The following NFIB variants were observed in gnomAD, a reference collection of about 807,000 sequenced individuals.
The protein encoded by NFIB is nuclear factor 1 B-type.
In NFIB, 11 loss-of-function variants were observed where a neutral mutation model predicts 61.5. The ratio of observed to expected loss-of-function variants is 0.18; its 90% CI spans 0.11 to 0.30. The LOEUF is 0.30. Among genes scored for constraint, NFIB ranks in the 10% least tolerant of loss-of-function variants. The pLI is 1.00. For synonymous variants in NFIB, 260 were observed against 216.5 expected (o/e 1.20, Z -1.76); for missense variants, 471 against 608.9 (o/e 0.77, Z 2.38).
the NFIB span, among the ~76,000 whole-genome samples, chr9:14,490,367 A>G: frequency 6.6e-6 from 1 of 152,224 alleles, no homozygotes; most frequent in Non-Finnish European, 1.5e-5. Flanking sequence ...AAATTCTAGA[A>G]GAAAATATGG....
the NFIB span, among the ~76,000 whole-genome samples, chr9:14,459,430 G>A: frequency 6.6e-6 from 1 of 152,102 alleles, no homozygotes; most frequent in African/African-American, 2.4e-5. Context: ...GAAAACCTAG[G>A]CAATACCATT....
intron 2 of NFIB, among the ~76,000 whole-genome samples, chr9:14,194,239 C>G (rs1041574956): frequency 1.3e-5 from 2 of 152,140 alleles, no homozygotes; most frequent in Non-Finnish European, 2.9e-5. Context: ...TGAAGTAAGT[C>G]TAGCAATAAC....
At position 14,084,167 on chromosome 9, in the gene NFIB, G is replaced by C. The variant is rs2032470226; in HGVS notation, c.*4142C>G. On this transcript the variant is annotated 3_prime_UTR_variant, in exon 11 of 11. Coordinates refer to ENST00000380953, the MANE Select transcript of NFIB (RefSeq NM_001190737.2). ...TTTCTTTTTAATACATAACTTAAGA[G>C]ACTGGAGAGTTTTAACTCAAGTCCA... is the stretch of plus-strand genomic sequence containing the variant. 1 of 201,630 alleles carries C rather than the reference G, an allele frequency of 5.0e-6. No individual in the cohort carries two copies. Among genetic ancestry groups the C allele is most frequent in the African/African-American group, 2.3e-5 (1 of 43,460 alleles). 12.5% of individuals were successfully genotyped at this position (201,630 alleles called of 1,614,324 possible).
At chr9:14,507,376 C>A in the NFIB span, among the ~76,000 whole-genome samples, 1 of 152,196 alleles carries the variant, frequency 6.6e-6, no homozygotes, top group East Asian at 1.9e-4. Flanking sequence ...ACAGTCAACA[C>A]GACAGTTGAT....
At chr9:14,528,292 T>A in the NFIB span, among the ~76,000 whole-genome samples, 1 of 152,192 alleles carries the variant, frequency 6.6e-6, no homozygotes, top group Admixed American at 6.5e-5. Context: ...TTTATTAACA[T>A]TGTCTTAAAC....
At chr9:14,274,012 A>G (rs1300145633) in intron 2 of NFIB, among the ~76,000 whole-genome samples, 2 of 152,178 alleles carry the variant, frequency 1.3e-5, no homozygotes, top group South Asian at 2.1e-4. Context: ...AATGTTATCT[A>G]CAAGTATTTT....
At chr9:14,401,194 G>A (rs1367637614), upstream of NFIB, among the ~76,000 whole-genome samples, 4 of 152,196 alleles carry the variant, frequency 2.6e-5, no homozygotes, top group African/African-American at 9.7e-5. Flanking sequence ...TCTACCCATT[G>A]ACAACCTCAA....
intron 6 of NFIB, among the ~76,000 whole-genome samples, chr9:14,138,793 C>G (rs553296729): frequency 6.6e-6 from 1 of 152,216 alleles, no homozygotes; most frequent in African/African-American, 2.4e-5. Flanking sequence ...TCATTTCAAA[C>G]AAACTCTTCC....
intron 10 of NFIB, among the ~76,000 whole-genome samples, chr9:14,105,054 T>C (rs796256467): frequency 7.2e-5 from 11 of 152,280 alleles, no homozygotes; most frequent in African/African-American, 2.2e-4. Context: ...GTAAATGAGT[T>C]AGTTTTTTTG....
intron 2 of NFIB, among the ~76,000 whole-genome samples, chr9:14,296,773 A>G (rs1343539679): frequency 1.3e-5 from 2 of 152,242 alleles, no homozygotes; most frequent in African/African-American, 4.8e-5. Flanking sequence ...TTATTTTGTT[A>G]TAGTAGCCTG....
the NFIB span, among the ~76,000 whole-genome samples, chr9:14,435,996 A>C: frequency 5.3e-5 from 8 of 152,306 alleles, no homozygotes; most frequent in African/African-American, 1.4e-4. Context: ...ACAATGTGCA[A>C]ATCTTAGTGG....
the NFIB span, among the ~76,000 whole-genome samples, chr9:14,454,941 G>C: frequency 6.6e-6 from 1 of 152,196 alleles, no homozygotes; most frequent in Non-Finnish European, 1.5e-5. Flanking sequence ...GGAATGAATT[G>C]AATTCTGAAA....
Position 14,084,691 on chromosome 9 carries a change from A to G in NFIB, c.*3618T>C, listed in dbSNP as rs987099945. The G allele has an allele frequency of 6.5e-5, 15 of 229,964 alleles. No individual in the cohort carries two copies. In the East Asian group the frequency reaches 9.2e-4, roughly 14 times the overall value. 14.2% of individuals were successfully genotyped at this position (229,964 alleles called of 1,614,324 possible). ...CCCTTGGGTGACCTTCGCCATCCTG[A>G]AGCTCTGCAGTTCTGGGTAAGGGAG... On this transcript the variant is annotated 3_prime_UTR_variant, in exon 11 of 11. Transcript: ENST00000380953.
intron 6 of NFIB, among the ~76,000 whole-genome samples, chr9:14,133,031 A>T (rs2040584248): frequency 6.6e-6 from 1 of 152,206 alleles, no homozygotes; most frequent in South Asian, 2.1e-4. Context: ...AGGAAAGAAC[A>T]TACATAAGCA....
chr9:14,376,402 AT>A, intron 1 of NFIB, among the ~76,000 whole-genome samples: 1 of 152,226 alleles, frequency 6.6e-6, no homozygotes, highest in East Asian at 1.9e-4. Flanking sequence ...AGAAGACACT[AT>A]TTCCTGCAGG....
chr9:14,521,754 G>C, the NFIB span, among the ~76,000 whole-genome samples: 2 of 152,178 alleles, frequency 1.3e-5, no homozygotes, highest in Admixed American at 6.5e-5. Context: ...TGTTACATTA[G>C]CAATCACTCA....
At chr9:14,241,225 T>A (rs2054311735) in intron 2 of NFIB, among the ~76,000 whole-genome samples, 1 of 152,208 alleles carries the variant, frequency 6.6e-6, no homozygotes, top group South Asian at 2.1e-4. Context: ...TATGTATGCA[T>A]AACGGACCAG....
Position 14,120,372 on chromosome 9 carries a change from T to C in NFIB, c.1245+68A>G, listed in dbSNP as rs1444457985. 2.0e-6 allele frequency: 3 copies of C among 1,512,472 alleles called. No individual in the cohort carries two copies. In the Admixed American group the frequency reaches 5.0e-5, roughly 25 times the overall value. The allele number at this position is 1,512,472 out of a possible 1,614,324, so 93.7% of individuals were successfully genotyped here. On this transcript the variant is annotated intron_variant, in intron 8 of 10. Coordinates refer to ENST00000380953, the MANE Select transcript of NFIB (RefSeq NM_001190737.2). This position sits in a 1 kb window ranked among gnomAD's most constrained non-coding sequence, Gnocchi z 4.4. Reference sequence around the variant, plus strand: ...GCCAGACACACTGTCTGACTAACCTTTGTGTCTCAGAATTAGATCTGTCCC... The same window carrying C: ...GCCAGACACACTGTCTGACTAACCTCTGTGTCTCAGAATTAGATCTGTCCC...
At chr9:14,433,114 A>G in the NFIB span, among the ~76,000 whole-genome samples, 1 of 152,182 alleles carries the variant, frequency 6.6e-6, no homozygotes, top group South Asian at 2.1e-4. Context: ...TTGGAGCAGT[A>G]AAACCTCATT....
Sources: allele counts gnomAD v4.1 joint callset (sites outside exome capture counted in the v4.1 genomes callset), GRCh38; gene constraint gnomAD v4.1.1; non-coding constraint Gnocchi (gnomAD v3.1); transcripts MANE v1.5; gene names NCBI Gene and HGNC (gene_info 2026-07-23, HGNC 2026-07-21).